ATXN3: variants seen among roughly 807,000 people sequenced by gnomAD.
The protein encoded by ATXN3 is ataxin 3.
Under a neutral mutation model 58.2 loss-of-function variants are expected in ATXN3, and 28 were observed. The observed-to-expected ratio is 0.48, with a 90% confidence interval of 0.36 to 0.66. ATXN3 has a LOEUF of 0.66. Ranked by LOEUF, ATXN3 falls within the 30% of genes least tolerant of loss-of-function variation. The pLI is 0.00. For missense variants in ATXN3, 321 were observed against 422.1 expected (o/e 0.76, Z 2.10); for synonymous variants, 113 against 138.5 (o/e 0.82, Z 1.29).
chr14:92,096,714 T>C lies in ATXN3; in HGVS notation c.149A>G (p.Glu50Gly), dbSNP rs1185160488. The C allele has an allele frequency of 6.2e-7, 1 of 1,614,110 alleles. No homozygotes were observed. Among genetic ancestry groups the C allele is most frequent in the South Asian group, 1.1e-5 (1 of 91,078 alleles). The change falls in exon 2 of 11, where the codon GAA (glutamate) becomes GGA (glycine). Residue 50 changes from glutamate to glycine, a missense_variant. By Grantham distance (98) the Glu-to-Gly change is moderately conservative (BLOSUM62 -2). This residue lies in a region of ATXN3 where 121 missense variants were observed against 198.9 expected (regional missense o/e 0.61). Coordinates refer to ENST00000644486, the MANE Select transcript of ATXN3 (RefSeq NM_004993.6). Reference protein sequence around the residue: ...LDEEERMRMAEGGVTSEDYRT... With the variant: ...LDEEERMRMAGGGVTSEDYRT... ...ATAATCTTCACTAGTAACTCCTCCT[T>C]CTGCCATTCTCATCCTCTCCTCCTC...
At chr14:92,087,143 G>A (rs928138885) in intron 6 of ATXN3, among the ~76,000 whole-genome samples, 28 of 152,044 alleles carry the variant, frequency 1.8e-4, no homozygotes, top group Admixed American at 1.7e-3. Flanking sequence ...CACCTTGGAG[G>A]GTGGCACATT....
At chr14:92,095,171 T>C (rs1212196901) in intron 3 of ATXN3, among the ~76,000 whole-genome samples, 2 of 151,986 alleles carry the variant, frequency 1.3e-5, no homozygotes, top group Admixed American at 6.6e-5. Flanking sequence ...AAAAGGATGG[T>C]AGCAAGGTAT....
chr14:92,098,415 T>C (rs1338081457), intron 1 of ATXN3, among the ~76,000 whole-genome samples: 2 of 152,056 alleles, frequency 1.3e-5, no homozygotes, highest in Admixed American at 6.5e-5. Context: ...CGGTGAAACC[T>C]CGTCTCTACT....
At chr14:92,097,793 G>C (rs1478934918) in intron 1 of ATXN3, among the ~76,000 whole-genome samples, 2 of 152,082 alleles carry the variant, frequency 1.3e-5, no homozygotes, top group Non-Finnish European at 2.9e-5. Flanking sequence ...CCTAAGTTCT[G>C]GGATTACAGG....
intron 9 of ATXN3, among the ~76,000 whole-genome samples, chr14:92,078,225 C>A (rs2060788267): frequency 6.6e-6 from 1 of 152,162 alleles, no homozygotes; most frequent in East Asian, 1.9e-4. Context: ...CTCAGGTGAT[C>A]CGCCCACCTC....
rs1241979015 is a variant in ATXN3 at position 92,060,771 on chromosome 14, C to T, written c.*3549G>A. The T allele has an allele frequency of 2.8e-5, 4 of 144,610 alleles. No homozygotes were observed. The highest frequency in any genetic ancestry group is 7.8e-5 in the African/African-American group (3 of 38,396). 9.0% of individuals were successfully genotyped at this position (144,610 alleles called of 1,614,324 possible). ...TTTTTGAGACAGAGTCTCACTCTGT[C>T]GCCCAGTCTGGAGTACAGTGGCACC... is the stretch of plus-strand genomic sequence containing the variant. On this transcript the variant is annotated 3_prime_UTR_variant, in exon 11 of 11. Coordinates refer to ENST00000644486, the MANE Select transcript of ATXN3 (RefSeq NM_004993.6).
At chr14:92,051,233 A>G (rs754640704), upstream of ATXN3, among the ~76,000 whole-genome samples, 6 of 152,208 alleles carry the variant, frequency 3.9e-5, no homozygotes, top group Non-Finnish European at 8.8e-5. Context: ...GCTAAGTCAA[A>G]TGTTGTACCA....
At chr14:92,072,923 T>C (rs7150414) in intron 9 of ATXN3, among the ~76,000 whole-genome samples, 43,855 of 152,174 alleles carry the variant, frequency 0.29, 6,743 homozygotes, top group East Asian at 0.44. Flanking sequence ...TTTCTCCCTG[T>C]TGGTCTCTGA....
intron 9 of ATXN3, among the ~76,000 whole-genome samples, chr14:92,073,106 C>G (rs2059730008): frequency 6.6e-6 from 1 of 152,156 alleles, no homozygotes; most frequent in Non-Finnish European, 1.5e-5. Context: ...TGCCCTCTGC[C>G]CCTCCACTCA....
chr14:92,046,065 G>T (rs561331468), intron 2 of ATXN3, among the ~76,000 whole-genome samples: 2 of 152,132 alleles, frequency 1.3e-5, no homozygotes, highest in African/African-American at 4.8e-5. Flanking sequence ...TTTGCGTACT[G>T]AGGAAACCTC....
At chr14:92,089,263 C>A (rs1410056562) in intron 5 of ATXN3, among the ~76,000 whole-genome samples, 1 of 151,546 alleles carries the variant, frequency 6.6e-6, no homozygotes, top group African/African-American at 2.4e-5. Context: ...AAATGATCCG[C>A]CCGCCTCAGC....
chr14:92,071,022 G>A lies in ATXN3; in HGVS notation c.904C>T (p.Gln302Ter), dbSNP rs777075482. ...QQQKQQQQQQ[Q>*]QQQGDLSGQS... ...CCTGATAGGTCCCCCTGCTGCTGCT[G>A]CTGCTGCTGCTGTTGCTGCTTTTGC... The change falls in exon 10 of 11, where the codon CAG becomes TAG. Residue 302 changes from glutamine to a stop codon, truncating the protein, a stop_gained. Coordinates refer to ENST00000644486, the MANE Select transcript of ATXN3 (RefSeq NM_004993.6). LOFTEE classifies it high-confidence loss of function. 6.2e-7 allele frequency: 1 copy of A among 1,608,594 alleles called. No individual in the cohort carries two copies. Among genetic ancestry groups the A allele is most frequent in the East Asian group, 2.2e-5 (1 of 44,662 alleles).
downstream of ATXN3, among the ~76,000 whole-genome samples, chr14:92,055,930 C>T (rs183387369): frequency 1.1e-3 from 175 of 152,224 alleles, 1 homozygote; most frequent in Admixed American, 3.4e-3. The surrounding 1 kb of genome is among the most constrained non-coding windows in gnomAD (Gnocchi z 4.5). Flanking sequence ...CACTGCACTC[C>T]AGCTTAGGTG....
chr14:92,091,039 C>A (rs1472277888), intron 5 of ATXN3, among the ~76,000 whole-genome samples: 1 of 150,378 alleles, frequency 6.6e-6, no homozygotes, highest in African/African-American at 2.5e-5. Context: ...CCTGCCTCAG[C>A]CTCCTAAAGT....
At chr14:92,080,550 T>C (rs1029373076) in intron 9 of ATXN3, 1 of 182,528 alleles carries the variant, frequency 5.5e-6, no homozygotes, top group Admixed American at 6.0e-5. Flanking sequence ...CATATATTTT[T>C]GGAGACGGAG....
chr14:92,090,036 A>G (rs2063434518), intron 5 of ATXN3, among the ~76,000 whole-genome samples: 1 of 138,260 alleles, frequency 7.2e-6, no homozygotes, highest in Admixed American at 6.9e-5. Context: ...ATTTGAGACC[A>G]GCCTGGGCTG....
chr14:92,055,946 A>G (rs920737679), downstream of ATXN3, among the ~76,000 whole-genome samples: 3 of 151,884 alleles, frequency 2.0e-5, no homozygotes, highest in Admixed American at 1.3e-4. The surrounding 1 kb of genome is among the most constrained non-coding windows in gnomAD (Gnocchi z 4.5). Flanking sequence ...AGGTGACAGA[A>G]CGAGGCCCTG....
intron 1 of ATXN3, among the ~76,000 whole-genome samples, chr14:92,097,519 C>T (rs2065697856): frequency 6.6e-6 from 1 of 150,994 alleles, no homozygotes; most frequent in Non-Finnish European, 1.5e-5. Flanking sequence ...AGCCGCCACA[C>T]CTGGCCAACT....
intron 9 of ATXN3, among the ~76,000 whole-genome samples, chr14:92,077,829 T>C (rs1314235203): frequency 1.3e-5 from 2 of 151,136 alleles, no homozygotes; most frequent in African/African-American, 2.4e-5. Context: ...GTATTTTTAG[T>C]AGAGACAGGC....
Sources: gnomAD v4.1 joint callset for allele counts (sites outside exome capture counted in the v4.1 genomes callset) on GRCh38, gnomAD v4.1.1 for gene constraint, gnomAD v4.1.1 regional missense constraint, Gnocchi (gnomAD v3.1) non-coding constraint, MANE v1.5 for transcripts, NCBI Gene and HGNC (gene_info 2026-07-23, HGNC 2026-07-21) for gene names.